LOC400499: variants seen among roughly 807,000 people sequenced by gnomAD.
the LOC400499 span, among the ~76,000 whole-genome samples, chr16:11,405,442 G>A: frequency 6.6e-6 from 1 of 152,178 alleles, no homozygotes; most frequent in Non-Finnish European, 1.5e-5. Flanking sequence ...AAGGTGACAA[G>A]GATGGTCACA....
At chr16:11,438,717 TG>T in the LOC400499 span, among the ~76,000 whole-genome samples, 3 of 148,110 alleles carry the variant, frequency 2.0e-5, no homozygotes, top group Non-Finnish European at 3.0e-5. Context: ...TGACCCCAGG[TG>T]GTCAAGGCTG....
At chr16:11,473,364 A>T in the LOC400499 span, among the ~76,000 whole-genome samples, 1 of 151,746 alleles carries the variant, frequency 6.6e-6, no homozygotes, top group Non-Finnish European at 1.5e-5. Context: ...AAGAAAAAAA[A>T]ATTTCAAGAT....
chr16:11,383,700 G>GGCCGCCAGGTTGCAGGCA, the LOC400499 span: 1 of 1,232,540 alleles, frequency 8.1e-7, no homozygotes, highest in Non-Finnish European at 1.0e-6. Context: ...GGATGTAGGC[G>GGCCGCCAGGTTGCAGGCA]GCCGCCAGGT....
the LOC400499 span, among the ~76,000 whole-genome samples, chr16:11,483,699 G>T: frequency 1.4e-5 from 2 of 138,414 alleles, no homozygotes; most frequent in Admixed American, 1.5e-4. Flanking sequence ...GACCCTGTCT[G>T]TACAACTTTT....
chr16:11,421,289 A>G, the LOC400499 span, among the ~76,000 whole-genome samples: 7 of 152,142 alleles, frequency 4.6e-5, no homozygotes, highest in African/African-American at 1.7e-4. Context: ...GGCTCCCTGG[A>G]CTTTCCCCCC....
At chr16:11,479,346 G>A in the LOC400499 span, among the ~76,000 whole-genome samples, 2 of 152,096 alleles carry the variant, frequency 1.3e-5, no homozygotes, top group African/African-American at 4.8e-5. Flanking sequence ...TGGAAAGGTA[G>A]CTCATGCCTC....
At chr16:11,461,079 G>A in the LOC400499 span, 18 of 1,535,866 alleles carry the variant, frequency 1.2e-5, no homozygotes, top group Middle Eastern at 1.7e-4. Flanking sequence ...CACCCAGGGC[G>A]GCCACCCTCC....
chr16:11,424,334 G>A, the LOC400499 span: 5 of 399,758 alleles, frequency 1.3e-5, no homozygotes, highest in African/African-American at 2.1e-5. Flanking sequence ...TCCCTGCCTC[G>A]GAGGGGAGTC....
chr16:11,479,684 C>T, the LOC400499 span, among the ~76,000 whole-genome samples: 2 of 152,142 alleles, frequency 1.3e-5, no homozygotes, highest in African/African-American at 4.8e-5. Context: ...AGAGTTCCCA[C>T]GTATCCTTCA....
the LOC400499 span, among the ~76,000 whole-genome samples, chr16:11,492,231 C>G: frequency 3.3e-5 from 5 of 152,020 alleles, no homozygotes; most frequent in Non-Finnish European, 7.4e-5. Context: ...CCCTCAATAC[C>G]TATTGGCTTC....
At chr16:11,498,951 G>T in the LOC400499 span, among the ~76,000 whole-genome samples, 1 of 148,306 alleles carries the variant, frequency 6.7e-6, no homozygotes. Context: ...GGTCCTGCTG[G>T]TGAGGAATGG....
the LOC400499 span, among the ~76,000 whole-genome samples, chr16:11,411,088 C>G: frequency 6.6e-6 from 1 of 152,202 alleles, no homozygotes; most frequent in South Asian, 2.1e-4. Flanking sequence ...TTTGGGAAAG[C>G]TGGAGCCAGG....
At chr16:11,425,497 G>T in the LOC400499 span, 2 of 398,720 alleles carry the variant, frequency 5.0e-6, no homozygotes, top group African/African-American at 4.1e-5. Context: ...GCTTTGGAGA[G>T]GAGGGAAAAG....
the LOC400499 span, among the ~76,000 whole-genome samples, chr16:11,400,211 T>G: frequency 5.0e-4 from 76 of 151,976 alleles, no homozygotes; most frequent in Non-Finnish European, 8.7e-4. Context: ...TCCCAGTCAC[T>G]CTGTTCCCAT....
At chr16:11,419,542 C>T in the LOC400499 span, among the ~76,000 whole-genome samples, 1 of 152,126 alleles carries the variant, frequency 6.6e-6, no homozygotes, top group Non-Finnish European at 1.5e-5. Flanking sequence ...TAGGTATGGG[C>T]AAGGACTTCA....
chr16:11,391,869 G>A, the LOC400499 span: 3 of 1,207,400 alleles, frequency 2.5e-6, no homozygotes, highest in Admixed American at 8.4e-5. Flanking sequence ...CACCTGGACA[G>A]GGAAACCGAG....
chr16:11,449,636 A>G, the LOC400499 span, among the ~76,000 whole-genome samples: 1 of 152,334 alleles, frequency 6.6e-6, no homozygotes, highest in South Asian at 2.1e-4. Context: ...AGGAGAAGTG[A>G]CAAGGACAAG....
At chr16:11,420,242 C>T in the LOC400499 span, among the ~76,000 whole-genome samples, 23 of 151,726 alleles carry the variant, frequency 1.5e-4, no homozygotes, top group Admixed American at 1.5e-3. Context: ...GGCACATATA[C>T]ACCATGGAAT....
chr16:11,523,893 C>G, the LOC400499 span, among the ~76,000 whole-genome samples: 1 of 149,334 alleles, frequency 6.7e-6, no homozygotes. Flanking sequence ...TCCATCCATT[C>G]ATCCATCCAA....
Sources: allele counts gnomAD v4.1 joint callset (sites outside exome capture counted in the v4.1 genomes callset), GRCh38; gene constraint gnomAD v4.1.1; transcripts MANE v1.5.